The following SIPA1L2 variants were observed in gnomAD, a reference collection of about 807,000 sequenced individuals.
SIPA1L2 encodes signal-induced proliferation-associated 1-like protein 2.
Under a neutral mutation model 163.9 loss-of-function variants are expected in SIPA1L2, and 56 were observed. The observed-to-expected ratio is 0.34, with a 90% CI of 0.28 to 0.43. The LOEUF is 0.43. SIPA1L2 is among the 20% of genes least tolerant of loss of function. SIPA1L2 has a pLI of 1.00. For missense variants in SIPA1L2, 1,974 were observed against 2,193.5 expected (o/e 0.90, Z 2.00); for synonymous variants, 877 against 865.7 (o/e 1.01, Z -0.23).
chr1:232,515,545 A>G lies in SIPA1L2; in HGVS notation c.-206T>C, dbSNP rs1573013120. ...TTCTCTGTTGTCGTAATAATGTTGTACGCCTCTGTTCTTTTCAAAAGCATT... is the reference window on the plus strand; with the variant it reads ...TTCTCTGTTGTCGTAATAATGTTGTGCGCCTCTGTTCTTTTCAAAAGCATT... On this transcript the variant is annotated 5_prime_UTR_variant, in exon 3 of 23. Transcript: ENST00000674635. 6 of 548,704 alleles carry G rather than the reference A, an allele frequency of 1.1e-5. No individual in the cohort carries two copies. The East Asian group carries it at 1.5e-4, about 14-fold the overall frequency. The allele number at this position is 548,704 out of a possible 1,614,324, so 34.0% of individuals were successfully genotyped here. A position where few individuals can be genotyped will look rare whatever the true frequency, so the allele number is the denominator to read the frequency against.
intron 18 of SIPA1L2, among the ~76,000 whole-genome samples, chr1:232,422,196 TGTTTCA>T (rs1661615958): frequency 6.6e-6 from 1 of 152,134 alleles, no homozygotes; most frequent in African/African-American, 2.4e-5. Flanking sequence ...AAGGCAGAAA[TGTTTCA>T]GAAATATTCT....
intron 2 of SIPA1L2, among the ~76,000 whole-genome samples, chr1:232,522,884 G>C (rs1288075259): frequency 2.0e-5 from 3 of 152,176 alleles, no homozygotes; most frequent in Non-Finnish European, 1.5e-5. Flanking sequence ...AAAGGAAATA[G>C]TCAGGTTTAC....
intron 2 of SIPA1L2, among the ~76,000 whole-genome samples, chr1:232,540,479 T>C (rs1010075667): frequency 1.4e-4 from 22 of 152,142 alleles, no homozygotes; most frequent in Admixed American, 1.4e-3. Context: ...GTTGCCTCCA[T>C]TGCCCATCCC....
chr1:232,518,525 G>A (rs180797680), intron 2 of SIPA1L2, among the ~76,000 whole-genome samples: 268 of 152,006 alleles, frequency 1.8e-3, no homozygotes, highest in Admixed American at 3.7e-3. Context: ...TGTTTTCTAC[G>A]CCCTGCCCCA....
chr1:232,599,433 C>G (rs1199335679), intron 1 of SIPA1L2, among the ~76,000 whole-genome samples: 1 of 152,230 alleles, frequency 6.6e-6, no homozygotes, highest in Non-Finnish European at 1.5e-5. Context: ...CCAGTAAGAA[C>G]AGTGGCCAAG....
intron 2 of SIPA1L2, among the ~76,000 whole-genome samples, chr1:232,572,778 T>A (rs1659865389): frequency 1.8e-5 from 1 of 56,588 alleles, no homozygotes; most frequent in Non-Finnish European, 4.9e-5. Flanking sequence ...TATATATATA[T>A]ATTTATTTAT....
chr1:232,457,858 G>A (rs1264405351), intron 10 of SIPA1L2, among the ~76,000 whole-genome samples: 1 of 152,156 alleles, frequency 6.6e-6, no homozygotes, highest in Non-Finnish European at 1.5e-5. Context: ...TGCAAGGGTG[G>A]TATCTGGTTA....
intron 1 of SIPA1L2, among the ~76,000 whole-genome samples, chr1:232,582,213 C>G (rs1660416222): frequency 6.6e-6 from 1 of 151,878 alleles, no homozygotes; most frequent in Admixed American, 6.6e-5. Flanking sequence ...ACAGGGGGTA[C>G]ATGTGCAGGT....
chr1:232,445,075 G>T (rs2102872004), intron 11 of SIPA1L2, among the ~76,000 whole-genome samples: 1 of 152,244 alleles, frequency 6.6e-6, no homozygotes, highest in East Asian at 1.9e-4. Flanking sequence ...AACTCACTTT[G>T]CTTAAAAGGA....
intron 17 of SIPA1L2, 63 bp downstream of exon 17, chr1:232,428,348 G>A: frequency 9.0e-7 from 1 of 1,112,096 alleles, no homozygotes; most frequent in Non-Finnish European, 1.2e-6. Context: ...AGTTTCTTTA[G>A]ACTTTTTTTT....
intron 1 of SIPA1L2, among the ~76,000 whole-genome samples, chr1:232,601,260 G>T (rs1445500197): frequency 1.3e-5 from 2 of 152,154 alleles, no homozygotes; most frequent in Non-Finnish European, 2.9e-5. Context: ...TTCAAGGAGA[G>T]CTAATAGCTA....
intron 18 of SIPA1L2, among the ~76,000 whole-genome samples, chr1:232,421,479 T>C (rs1661573306): frequency 6.6e-6 from 1 of 152,188 alleles, no homozygotes; most frequent in Admixed American, 6.5e-5. Flanking sequence ...GTTTCACAAT[T>C]ACACTTTTCA....
intron 2 of SIPA1L2, among the ~76,000 whole-genome samples, chr1:232,566,984 C>A (rs781048505): frequency 6.6e-6 from 1 of 152,100 alleles, no homozygotes; most frequent in Non-Finnish European, 1.5e-5. Flanking sequence ...TTTGGTTTTT[C>A]TCCTAACTGC....
chr1:232,482,755 A>T (rs1665428633), intron 6 of SIPA1L2, among the ~76,000 whole-genome samples: 1 of 152,188 alleles, frequency 6.6e-6, no homozygotes, highest in Non-Finnish European at 1.5e-5. Flanking sequence ...AGACTTGGGG[A>T]CAGGGCTTGG....
chr1:232,544,683 A>C (rs1657920233), intron 2 of SIPA1L2, among the ~76,000 whole-genome samples: 1 of 152,230 alleles, frequency 6.6e-6, no homozygotes, highest in African/African-American at 2.4e-5. Context: ...GAAGGGAAGA[A>C]AATAATACGA....
intron 2 of SIPA1L2, among the ~76,000 whole-genome samples, chr1:232,529,732 C>A (rs1344801002): frequency 6.6e-6 from 1 of 152,214 alleles, no homozygotes; most frequent in East Asian, 1.9e-4. Flanking sequence ...GCAAATCAGA[C>A]ATCACAATTT....
intron 3 of SIPA1L2, among the ~76,000 whole-genome samples, chr1:232,494,869 GC>G (rs1198645171): frequency 6.6e-6 from 1 of 152,156 alleles, no homozygotes; most frequent in African/African-American, 2.4e-5. Context: ...ATGAACTGCT[GC>G]CAGGTCCATT....
intron 22 of SIPA1L2, among the ~76,000 whole-genome samples, chr1:232,401,343 A>T (rs926053657): frequency 3.9e-5 from 6 of 152,140 alleles, no homozygotes; most frequent in Admixed American, 1.3e-4. Flanking sequence ...GACCAGGAAA[A>T]CAGGTATCGC....
At chr1:232,557,243 G>T (rs1029173394) in intron 2 of SIPA1L2, among the ~76,000 whole-genome samples, 1 of 152,108 alleles carries the variant, frequency 6.6e-6, no homozygotes, top group Non-Finnish European at 1.5e-5. Context: ...CCTGCCAGGG[G>T]TTGGGCTCCA....
Sources: gnomAD v4.1 joint callset for allele counts (sites outside exome capture counted in the v4.1 genomes callset) on GRCh38, gnomAD v4.1.1 for gene constraint, MANE v1.5 for transcripts, NCBI Gene and HGNC (gene_info 2026-07-23, HGNC 2026-07-21) for gene names.